Variants in FAS observed in about 807,000 individuals in gnomAD.
FAS encodes tumor necrosis factor receptor superfamily member 6.
Under a neutral mutation model 33.2 loss-of-function variants are expected in FAS, and 5 were observed. That is an observed-to-expected ratio of 0.15 (90% CI 0.08 to 0.32). The LOEUF (loss-of-function observed/expected upper bound fraction) is 0.32, where lower values mean the gene tolerates loss of function less well. Ranked by LOEUF, FAS falls within the 10% of genes least tolerant of loss-of-function variation. FAS has a pLI of 1.00. For synonymous variants in FAS, 131 were observed against 130.7 expected (o/e 1.00, Z -0.01); for missense variants, 339 against 386.0 (o/e 0.88, Z 1.02).
At chr10:88,993,449 A>G (rs934368923) in intron 1 of FAS, among the ~76,000 whole-genome samples, 3 of 152,304 alleles carry the variant, frequency 2.0e-5, no homozygotes, top group Non-Finnish European at 4.4e-5. Flanking sequence ...GAAGCCTCTA[A>G]GAGTCCATGG....
At chr10:88,980,349 T>C (rs1846680946) in intron 2 of FAS, among the ~76,000 whole-genome samples, 1 of 152,104 alleles carries the variant, frequency 6.6e-6, no homozygotes, top group African/African-American at 2.4e-5. Flanking sequence ...GAGAGCACAT[T>C]AGCAAGCATC....
intron 2 of FAS, among the ~76,000 whole-genome samples, chr10:88,976,646 T>G (rs1365305433): frequency 6.6e-6 from 1 of 152,236 alleles, no homozygotes; most frequent in Non-Finnish European, 1.5e-5. Context: ...TCAATGATAT[T>G]GTGTTATTTT....
At chr10:89,007,984 C>A in intron 3 of FAS, 147 bp downstream of exon 3, 1 of 1,251,066 alleles carries the variant, frequency 8.0e-7, no homozygotes, top group Non-Finnish European at 1.1e-6. Flanking sequence ...ACCGCAGAAC[C>A]AGGTGCCGAG....
intron 2 of FAS, chr10:88,974,288 G>T (rs920811027): frequency 6.6e-6 from 1 of 151,594 alleles, no homozygotes; most frequent in Non-Finnish European, 1.5e-5. Flanking sequence ...ACTCAATTTG[G>T]TGAACCAATG....
intron 2 of FAS, chr10:88,974,251 A>G (rs973481385): frequency 6.0e-5 from 7 of 117,362 alleles, no homozygotes; most frequent in East Asian, 4.0e-4. Flanking sequence ...CTCTTTGGTG[A>G]AAAAAAAAAA....
intron 1 of FAS, among the ~76,000 whole-genome samples, chr10:88,999,500 C>T (rs185857537): frequency 6.6e-6 from 1 of 152,104 alleles, no homozygotes; most frequent in African/African-American, 2.4e-5. Flanking sequence ...AGTGCACTTT[C>T]AAAAATACTC....
chr10:88,974,276 G>A (rs1846515237), intron 2 of FAS: 1 of 151,626 alleles, frequency 6.6e-6, no homozygotes. Context: ...AGGCTCTCAA[G>A]GACTCAATTT....
upstream of FAS, chr10:88,990,658 C>A (rs748194099): frequency 1.4e-6 from 1 of 700,234 alleles, no homozygotes; most frequent in African/African-American, 1.7e-5. This position sits in a 1 kb window ranked among gnomAD's most constrained non-coding sequence, Gnocchi z 4.9. Flanking sequence ...TGATCTCGCG[C>A]AAGAGTGACA....
Position 89,016,615 on chromosome 10 carries a change from T to C in FAS, c.*2165T>C, listed in dbSNP as rs1373388477. 4.5e-6 allele frequency: 1 copy of C among 223,684 alleles called. No homozygotes were observed. The highest frequency in any genetic ancestry group is 2.2e-5 in the African/African-American group (1 of 44,748). 13.9% of individuals were successfully genotyped at this position (223,684 alleles called of 1,614,324 possible). ...ACCTAGTGGCCCCAAGCATGACTTC[T>C]CCCATGTCAATGAGCACAGCCACAT... On this transcript the variant is annotated 3_prime_UTR_variant, in exon 9 of 9. Transcript: ENST00000652046.
At chr10:89,003,716 T>C (rs1220692654) in intron 2 of FAS, among the ~76,000 whole-genome samples, 1 of 152,222 alleles carries the variant, frequency 6.6e-6, no homozygotes, top group African/African-American at 2.4e-5. Flanking sequence ...GCTTTTTTTT[T>C]TAAATCAATA....
At chr10:88,974,974 T>C (rs1298953555) in intron 2 of FAS, 1 of 152,112 alleles carries the variant, frequency 6.6e-6, no homozygotes, top group Admixed American at 6.5e-5. Context: ...AAAAGGCATA[T>C]TTAAAGTGAG....
chr10:88,993,797 G>A (rs1463227910), intron 1 of FAS, among the ~76,000 whole-genome samples: 1 of 148,152 alleles, frequency 6.7e-6, no homozygotes, highest in Non-Finnish European at 1.5e-5. Context: ...GAACATATTG[G>A]GCTGTTTATT....
At chr10:88,996,053 G>A (rs7913007) in intron 1 of FAS, among the ~76,000 whole-genome samples, 6,575 of 152,216 alleles carry the variant, frequency 0.043, 338 homozygotes, top group African/African-American at 0.12. Flanking sequence ...AATGAAGTCA[G>A]GCAGCATTGT....
At chr10:88,977,514 A>C (rs189260064) in intron 2 of FAS, among the ~76,000 whole-genome samples, 3,803 of 152,306 alleles carry the variant, frequency 0.025, 89 homozygotes, top group South Asian at 0.12. Context: ...CAAAGGGCTA[A>C]TATCCAGAAT....
chr10:88,999,229 A>G (rs1405817919), intron 1 of FAS, among the ~76,000 whole-genome samples: 1 of 152,010 alleles, frequency 6.6e-6, no homozygotes, highest in East Asian at 1.9e-4. Flanking sequence ...TCTCTCAAGT[A>G]CCCCTCTGCC....
At chr10:88,994,771 G>A (rs569676360) in intron 1 of FAS, among the ~76,000 whole-genome samples, 4 of 151,404 alleles carry the variant, frequency 2.6e-5, no homozygotes, top group Admixed American at 6.6e-5. Context: ...ATACATTATA[G>A]AGAGAGCATT....
intron 4 of FAS, 122 bp downstream of exon 4, chr10:89,009,119 C>G: frequency 1.1e-6 from 1 of 937,558 alleles, no homozygotes; most frequent in Admixed American, 1.7e-5. Flanking sequence ...TGCCTCCAAG[C>G]AACTAGATGA....
chr10:88,982,578 G>T (rs1177181580), upstream of FAS, among the ~76,000 whole-genome samples: 1 of 152,152 alleles, frequency 6.6e-6, no homozygotes, highest in East Asian at 1.9e-4. Flanking sequence ...TATCCTGATT[G>T]GCTGAGGGAG....
rs1449905383 is a variant in FAS at position 89,015,451 on chromosome 10, T to C, written c.*1001T>C. On this transcript the variant is annotated 3_prime_UTR_variant, in exon 9 of 9. Transcript: ENST00000652046. The stretch of plus-strand genomic sequence containing the variant: ...CCCGAAAATGTTCAATAATGTCCCA[T>C]GTAAAACCTGCTACAAATGGCAGCT... 1.1e-5 allele frequency: 6 copies of C among 534,122 alleles called. 1 individual carries two copies. Among genetic ancestry groups the C allele is most frequent in the Non-Finnish European group, 2.2e-5 (6 of 276,494 alleles). 33.1% of individuals were successfully genotyped at this position (534,122 alleles called of 1,614,324 possible). A position where few individuals can be genotyped will look rare whatever the true frequency, so the allele number is the denominator to read the frequency against.
Sources: allele counts gnomAD v4.1 joint callset (sites outside exome capture counted in the v4.1 genomes callset), GRCh38; gene constraint gnomAD v4.1.1; non-coding constraint Gnocchi (gnomAD v3.1); transcripts MANE v1.5; gene names NCBI Gene and HGNC (gene_info 2026-07-23, HGNC 2026-07-21).